ABCB4: variants seen among roughly 807,000 people sequenced by gnomAD.
ABCB4 encodes the protein ATP binding cassette subfamily B member 4.
Under a neutral mutation model 145.7 loss-of-function variants are expected in ABCB4, and 76 were observed. That is an observed-to-expected ratio of 0.52 (90% CI 0.43 to 0.63). ABCB4 has a LOEUF of 0.63. Among genes scored for constraint, ABCB4 ranks in the 30% least tolerant of loss-of-function variants. ABCB4 has a pLI of 0.00. For missense variants in ABCB4, 1,234 were observed against 1,553.1 expected (o/e 0.79, Z 3.45); for synonymous variants, 517 against 566.8 (o/e 0.91, Z 1.25).
chr7:87,385,882 TA>T, the ABCB4 span, among the ~76,000 whole-genome samples: 1 of 152,228 alleles, frequency 6.6e-6, no homozygotes, highest in African/African-American at 2.4e-5. Context: ...AAATTTTTTT[TA>T]TCATGAAGGT....
chr7:87,390,805 A>G, the ABCB4 span, among the ~76,000 whole-genome samples: 7 of 152,240 alleles, frequency 4.6e-5, no homozygotes, highest in Non-Finnish European at 7.3e-5. Flanking sequence ...ATTTCTGTGT[A>G]ATAAATTACC....
At chr7:87,402,664 A>G (rs1412231506) in intron 27 of ABCB4, among the ~76,000 whole-genome samples, 1 of 152,204 alleles carries the variant, frequency 6.6e-6, no homozygotes, top group Admixed American at 6.5e-5. Flanking sequence ...TAAAATATAT[A>G]ATCATTTTAG....
At chr7:87,385,767 G>A in the ABCB4 span, among the ~76,000 whole-genome samples, 2 of 152,182 alleles carry the variant, frequency 1.3e-5, no homozygotes, top group African/African-American at 4.8e-5. Context: ...GATCTTAGAG[G>A]AAAGTCTTGC....
In ABCB4 at chr7:87,409,365, T is replaced by C. The variant is rs45574932; in HGVS notation, c.2952A>G (p.Ala984=). 5.7e-4 allele frequency: 928 copies of C among 1,614,128 alleles called. 5 individuals are homozygous for C. The African/African-American group carries it at 0.011, about 19-fold the overall frequency. The change falls in exon 24 of 28, where the codon GCA becomes GCG. Residue 984 remains alanine, a synonymous_variant. Transcript: ENST00000649586. ...ILVFSAIVFG[A]VALGHASSFA... is the part of the protein sequence containing the mutation. ...ATGAACTGGCATGTCCTAGAGCCACTGCACCAAATACAATTGCAGAAAACA... is the reference window on the plus strand; with the variant it reads ...ATGAACTGGCATGTCCTAGAGCCACCGCACCAAATACAATTGCAGAAAACA...
the ABCB4 span, among the ~76,000 whole-genome samples, chr7:87,366,493 T>G: frequency 6.6e-6 from 1 of 152,196 alleles, no homozygotes; most frequent in Non-Finnish European, 1.5e-5. Context: ...GTCATATTCT[T>G]GATGATTTTA....
At chr7:87,424,708 G>A (rs1276735871) in intron 16 of ABCB4, among the ~76,000 whole-genome samples, 1 of 151,826 alleles carries the variant, frequency 6.6e-6, no homozygotes, top group Non-Finnish European at 1.5e-5. Flanking sequence ...TGATTTTTTT[G>A]TTTACATATT....
the ABCB4 span, chr7:87,392,735 G>A: frequency 6.2e-7 from 1 of 1,613,362 alleles, no homozygotes; most frequent in Non-Finnish European, 8.5e-7. Context: ...TGCAGGATTT[G>A]ATCGTCACCT....
At chr7:87,405,904 C>A in intron 26 of ABCB4, 1 of 300,554 alleles carries the variant, frequency 3.3e-6, no homozygotes, top group Non-Finnish European at 6.4e-6. Flanking sequence ...TTGTCATTGG[C>A]AGAAACTAGG....
the ABCB4 span, among the ~76,000 whole-genome samples, chr7:87,393,855 A>C: frequency 1.3e-5 from 2 of 152,238 alleles, no homozygotes; most frequent in African/African-American, 4.8e-5. Context: ...GGGCACACTT[A>C]CATGCAGATT....
Position 87,439,804 on chromosome 7 carries a change from G to T in ABCB4, c.1594C>A (p.Gln532Lys). ...FDTLVGERGA[Q>K]LSGGQKQRIA... ...CTCTGCTTCTGCCCACCACTCAGCTGGGCCCCTCTCTCTCCAACCAGGGTG... is the reference window on the plus strand; with the variant it reads ...CTCTGCTTCTGCCCACCACTCAGCTTGGCCCCTCTCTCTCCAACCAGGGTG... The change falls in exon 14 of 28, where the codon CAG (glutamine) becomes AAG (lysine). Residue 532 changes from glutamine (Q) to lysine (K), a missense_variant. Transcript: ENST00000649586. 4 of 1,614,142 alleles carry T rather than the reference G, an allele frequency of 2.5e-6. No homozygotes were observed. The highest frequency in any genetic ancestry group is 2.5e-6 in the Non-Finnish European group (3 of 1,180,022).
At chr7:87,431,330 G>A in intron 15 of ABCB4, 74 bp downstream of exon 15, 2 of 1,582,880 alleles carry the variant, frequency 1.3e-6, no homozygotes, top group South Asian at 2.2e-5. Context: ...AGCATTCACT[G>A]GATCATATTT....
intron 14 of ABCB4, among the ~76,000 whole-genome samples, chr7:87,436,526 T>A (rs1196490938): frequency 1.3e-5 from 2 of 151,644 alleles, no homozygotes; most frequent in African/African-American, 2.4e-5. Context: ...CTGAAAAAAA[T>A]ACAAAATGAA....
At chr7:87,415,919 C>G (rs1276257589) in intron 21 of ABCB4, among the ~76,000 whole-genome samples, 2 of 152,166 alleles carry the variant, frequency 1.3e-5, no homozygotes, top group Admixed American at 6.5e-5. Flanking sequence ...TGGAAAGAAG[C>G]AGGATTGAGG....
intron 17 of ABCB4, 197 bp downstream of exon 17, chr7:87,423,709 T>C: frequency 1.6e-6 from 1 of 620,558 alleles, no homozygotes; most frequent in Non-Finnish European, 2.8e-6. Flanking sequence ...ATAATTTCAT[T>C]AATATCATAA....
At chr7:87,464,455 C>A (rs1438008947) in intron 3 of ABCB4, among the ~76,000 whole-genome samples, 1 of 152,160 alleles carries the variant, frequency 6.6e-6, no homozygotes. Context: ...TTTAGTGGTT[C>A]TGGGAAAAGG....
chr7:87,447,010 A>G (rs1412045819), intron 9 of ABCB4, 24 bp downstream of exon 9: 1 of 1,585,820 alleles, frequency 6.3e-7, no homozygotes, highest in Admixed American at 1.7e-5. Context: ...CATATTCTTC[A>G]TAAATGTTAG....
In ABCB4 at chr7:87,447,059, T is replaced by G; in HGVS notation, c.980A>C (p.Glu327Ala). ...WYGSTLVISK[E>A]YTIGNAMTVF... ...TGTCATTGCATTTCCAATAGTATAT[T>G]CTTTTGATATGACTAGAGTGGATCC... The change falls in exon 9 of 28, where the codon GAA becomes GCA. Residue 327 changes from glutamate to alanine, a missense_variant. Physicochemically the swap from Glu to Ala is moderately radical, Grantham distance 107. This residue lies in a region of ABCB4 where 467 missense variants were observed against 632.8 expected (regional missense o/e 0.74). Transcript: ENST00000649586. The G allele has an allele frequency of 1.2e-6, 2 of 1,613,640 alleles. No individual in the cohort carries two copies. Among genetic ancestry groups the G allele is most frequent in the South Asian group, 2.2e-5 (2 of 91,050 alleles).
chr7:87,401,820 C>A lies in ABCB4; in HGVS notation c.*276G>T. The A allele has an allele frequency of 1.8e-6, 1 of 562,616 alleles. No individual in the cohort carries two copies. The highest frequency in any genetic ancestry group is 3.3e-6 in the Non-Finnish European group (1 of 302,780). The allele number at this position is 562,616 out of a possible 1,614,324, so 34.9% of individuals were successfully genotyped here. A position where few individuals can be genotyped will look rare whatever the true frequency, so the allele number is the denominator to read the frequency against. ...TATGTCTGTGGCTTCTATATTTCTACACCTGTACTTACCTTGAATTTTGTT... is the reference window on the plus strand; with the variant it reads ...TATGTCTGTGGCTTCTATATTTCTAAACCTGTACTTACCTTGAATTTTGTT... On this transcript the variant is annotated 3_prime_UTR_variant, in exon 28 of 28. Transcript: ENST00000649586.
At chr7:87,369,284 A>G in the ABCB4 span, 1 of 734,354 alleles carries the variant, frequency 1.4e-6, no homozygotes, top group Admixed American at 2.5e-5. Context: ...AAAATACTGG[A>G]AGAATGCCTA....
Sources: allele counts gnomAD v4.1 joint callset (sites outside exome capture counted in the v4.1 genomes callset), GRCh38; gene constraint gnomAD v4.1.1; regional missense constraint gnomAD v4.1.1; transcripts MANE v1.5; gene names NCBI Gene and HGNC (gene_info 2026-07-23, HGNC 2026-07-21).